Variants in EPS8 observed in about 807,000 individuals in gnomAD.
EPS8 encodes EGFR pathway substrate 8, signaling adaptor.
In EPS8, 42 loss-of-function variants were observed where a neutral mutation model predicts 103.8. The ratio of observed to expected loss-of-function variants is 0.40; its 90% CI spans 0.32 to 0.52. The LOEUF is 0.52. Among genes scored for constraint, EPS8 ranks in the 20% least tolerant of loss-of-function variants. EPS8 has a pLI of 0.40. For missense variants in EPS8, 969 were observed against 1,005.1 expected, an observed-to-expected ratio of 0.96 and a Z score of 0.49; for synonymous variants, 344 against 344.6, an observed-to-expected ratio of 1.00 and a Z score of 0.02.
intron 13 of EPS8, among the ~76,000 whole-genome samples, chr12:15,651,435 C>A (rs1945412089): frequency 6.6e-6 from 1 of 152,172 alleles, no homozygotes; most frequent in African/African-American, 2.4e-5. Context: ...ATTATTGAAA[C>A]CTCCTGGTAT....
At position 15,777,348 on chromosome 12, in the gene EPS8, G is replaced by A. The variant is rs1159546039; in HGVS notation, c.-22+11813C>T. ...GTTCTAATATATGACCAAAACCACA[G>A]TGGACCTTTCTAATCAGTATAAAAA... is the stretch of plus-strand genomic sequence containing the variant. On this transcript the variant is annotated intron_variant, in intron 1 of 20. Coordinates refer to ENST00000281172, the MANE Select transcript of EPS8 (RefSeq NM_004447.6). This position sits in a 1 kb window ranked among gnomAD's most constrained non-coding sequence, Gnocchi z 4.7. Among the ~76,000 whole-genome samples the A allele has an allele frequency of 6.6e-6, 1 of 151,964 alleles. No individual in the cohort carries two copies. Among genetic ancestry groups the A allele is most frequent in the African/African-American group, 2.4e-5 (1 of 41,368 alleles).
In EPS8 at chr12:15,756,756, A is replaced by G. The variant is rs557517391; in HGVS notation, c.-22+32405T>C. ...TAGGAAGAAATTTGGAACATGACAGATCTATATTTTAAAACACATATATTT... is the reference window on the plus strand; with the variant it reads ...TAGGAAGAAATTTGGAACATGACAGGTCTATATTTTAAAACACATATATTT... On this transcript the variant is annotated intron_variant, in intron 1 of 20. Coordinates refer to ENST00000281172, the MANE Select transcript of EPS8 (RefSeq NM_004447.6). Among the ~76,000 whole-genome samples the G allele has an allele frequency of 1.1e-3, 174 of 152,314 alleles. 1 individual carries two copies. Among genetic ancestry groups the G allele is most frequent in the African/African-American group, 4.0e-3 (166 of 41,574 alleles).
chr12:15,663,779 A>G (rs558107032), intron 8 of EPS8, among the ~76,000 whole-genome samples: 1 of 150,586 alleles, frequency 6.6e-6, no homozygotes, highest in East Asian at 2.0e-4. Flanking sequence ...AAAATTAGCC[A>G]GGTATGGTGG....
Position 15,729,035 on chromosome 12 carries a change from T to G in EPS8, c.-21-46063A>C, listed in dbSNP as rs188571280. On this transcript the variant is annotated intron_variant, in intron 1 of 20. Coordinates refer to ENST00000281172, the MANE Select transcript of EPS8 (RefSeq NM_004447.6). Reference sequence around the variant, plus strand: ...TGGATACTGAATTCTAAGTGATTTTTGTTTCTGTTTTCCAATACTTTACAT... The same window carrying G: ...TGGATACTGAATTCTAAGTGATTTTGGTTTCTGTTTTCCAATACTTTACAT... Among the ~76,000 whole-genome samples, 164 of 152,320 alleles carry G rather than the reference T, an allele frequency of 1.1e-3. 2 individuals are homozygous for G. The East Asian group carries it at 0.031, about 28-fold the overall frequency.
chr12:15,643,256 T>C (rs762592661), intron 15 of EPS8, among the ~76,000 whole-genome samples: 2 of 152,158 alleles, frequency 1.3e-5, no homozygotes, highest in Non-Finnish European at 2.9e-5. Flanking sequence ...TCACTATTAA[T>C]AATGGAGAGT....
At chr12:15,646,875 G>A (rs1236153429) in intron 15 of EPS8, among the ~76,000 whole-genome samples, 1 of 152,288 alleles carries the variant, frequency 6.6e-6, no homozygotes, top group Non-Finnish European at 1.5e-5. Context: ...TACACATTTT[G>A]TCCGAAGTAT....
chr12:15,691,200 G>A (rs1378172053), intron 1 of EPS8, among the ~76,000 whole-genome samples: 1 of 150,212 alleles, frequency 6.7e-6, no homozygotes, highest in Non-Finnish European at 1.5e-5. Flanking sequence ...GATTAGGGGT[G>A]GATCTAGAGG....
chr12:15,656,017 A>T (rs749420054), intron 12 of EPS8, among the ~76,000 whole-genome samples: 2 of 152,238 alleles, frequency 1.3e-5, no homozygotes, highest in Non-Finnish European at 2.9e-5. Context: ...GATACTAAAC[A>T]TTGGCAAGTA....
rs544595540 is a variant in EPS8 at position 15,626,519 on chromosome 12, C to T, written c.2045-2112G>A. Among the ~76,000 whole-genome samples, 32 of 151,430 alleles carry T rather than the reference C, an allele frequency of 2.1e-4. 1 individual carries two copies. The South Asian group carries it at 3.8e-3, about 18-fold the overall frequency. On this transcript the variant is annotated intron_variant, in intron 18 of 20. Transcript: ENST00000281172. Reference sequence around the variant, plus strand: ...TGGCATGTGCCTGTGGCCCCAGCTACTCGGGAGGCTGAGGCAGGAGAATCT... The same window carrying T: ...TGGCATGTGCCTGTGGCCCCAGCTATTCGGGAGGCTGAGGCAGGAGAATCT...
Position 15,623,169 on chromosome 12 carries a change from C to T in EPS8, c.2344G>A (p.Ala782Thr), listed in dbSNP as rs1944887827. The T allele has an allele frequency of 6.2e-7, 1 of 1,607,114 alleles. No homozygotes were observed. The highest frequency in any genetic ancestry group is 1.3e-5 in the African/African-American group (1 of 74,376). Residue 782 changes from alanine (A) to threonine (T), a missense_variant, in exon 20 of 21, where the codon GCT (alanine) becomes ACT (threonine). Transcript: ENST00000281172. The stretch of plus-strand genomic sequence containing the variant: ...TTGACAAGTCATACCTCCAATGCAG[C>T]TTTTTGTACAGTGATTTGGCTATAG... ...RVYSQITVQKAALEDSSGSSE... is the reference protein window; with the variant it reads ...RVYSQITVQKTALEDSSGSSE...
chr12:15,640,206 G>T (rs1235258593), intron 17 of EPS8, among the ~76,000 whole-genome samples: 2 of 152,166 alleles, frequency 1.3e-5, no homozygotes, highest in African/African-American at 4.8e-5. Flanking sequence ...GAAAAATATT[G>T]TAATCCAGGT....
chr12:15,641,281 A>T, intron 16 of EPS8, among the ~76,000 whole-genome samples: 1 of 152,288 alleles, frequency 6.6e-6, no homozygotes, highest in East Asian at 1.9e-4. Context: ...AGAATCTAAC[A>T]AAGAGAAGTT....
rs1320870451 is a variant in EPS8, at chr12:15,690,969, C to G, written c.-21-7997G>C. Among the ~76,000 whole-genome samples the G allele has an allele frequency of 1.0e-5, 1 of 99,586 alleles. No homozygotes were observed. Among genetic ancestry groups the G allele is most frequent in the African/African-American group, 3.0e-5 (1 of 32,998 alleles). 65.3% of individuals were successfully genotyped at this position (99,586 alleles called of 152,430 possible). A position where few individuals can be genotyped will look rare whatever the true frequency, so the allele number is the denominator to read the frequency against. On this transcript the variant is annotated intron_variant, in intron 1 of 20. Coordinates refer to ENST00000281172, the MANE Select transcript of EPS8 (RefSeq NM_004447.6). This position sits in a 1 kb window ranked among gnomAD's most constrained non-coding sequence, Gnocchi z 4.7. Reference sequence around the variant, plus strand: ...AAGTCAGTTCCACTAACTGTCTACACTTGGCTGAATATAAAAAAAACAAGC... The same window carrying G: ...AAGTCAGTTCCACTAACTGTCTACAGTTGGCTGAATATAAAAAAAACAAGC...
intron 1 of EPS8, among the ~76,000 whole-genome samples, chr12:15,686,921 T>A (rs1229713353): frequency 2.0e-5 from 3 of 152,144 alleles, no homozygotes; most frequent in Non-Finnish European, 4.4e-5. Flanking sequence ...TACAGAAGTG[T>A]GTTTTTGTGT....
chr12:15,650,065 A>G (rs1032168904), intron 14 of EPS8, among the ~76,000 whole-genome samples: 1 of 152,220 alleles, frequency 6.6e-6, no homozygotes, highest in African/African-American at 2.4e-5. Flanking sequence ...AGAGTCATAG[A>G]AACATCACTT....
At chr12:15,694,348 C>T (rs1389059137) in intron 1 of EPS8, among the ~76,000 whole-genome samples, 2 of 152,204 alleles carry the variant, frequency 1.3e-5, no homozygotes, top group South Asian at 2.1e-4. Context: ...TGTTTAACTA[C>T]CTATTGTTAT....
Position 15,621,383 on chromosome 12 carries a change from C to T in EPS8, c.2403G>A (p.Gln801=). ...CACTAGCGGCAGCACTGATTTTTTC[C>T]TGTCGTCTTCTCATAATTTCTTGTA... ...SELQEIMRRR[Q]EKISAAASDS... Residue 801 remains glutamine, a synonymous_variant, in exon 21 of 21, where the codon CAG becomes CAA. Coordinates refer to ENST00000281172, the MANE Select transcript of EPS8 (RefSeq NM_004447.6). 1 of 1,604,588 alleles carries T rather than the reference C, an allele frequency of 6.2e-7. No homozygotes were observed. Among genetic ancestry groups the T allele is most frequent in the Non-Finnish European group, 8.5e-7 (1 of 1,176,334 alleles).
At chr12:15,708,157 A>G (rs775316584) in intron 1 of EPS8, among the ~76,000 whole-genome samples, 13 of 152,264 alleles carry the variant, frequency 8.5e-5, no homozygotes, top group Non-Finnish European at 1.6e-4. Flanking sequence ...ACAAAGTAAG[A>G]GAACACTAAG....
At chr12:15,741,023 G>A (rs1040451205) in intron 1 of EPS8, among the ~76,000 whole-genome samples, 17 of 152,074 alleles carry the variant, frequency 1.1e-4, no homozygotes, top group African/African-American at 3.9e-4. Flanking sequence ...AAATTCCCAG[G>A]CAGAATTGGA....
Sources: allele counts gnomAD v4.1 joint callset (sites outside exome capture counted in the v4.1 genomes callset), GRCh38; gene constraint gnomAD v4.1.1; non-coding constraint Gnocchi (gnomAD v3.1); transcripts MANE v1.5; gene names NCBI Gene and HGNC (gene_info 2026-07-23, HGNC 2026-07-21).